ZNF568: variants seen among roughly 807,000 people sequenced by gnomAD.
The protein encoded by ZNF568 is zinc finger protein 568.
In ZNF568, 11 loss-of-function variants were observed where a neutral mutation model predicts 18.1. The ratio of observed to expected loss-of-function variants is 0.61; its 90% CI spans 0.38 to 1.00. ZNF568 has a LOEUF of 1.00. ZNF568 is among the 50% of genes least tolerant of loss of function. The pLI is 0.01. For missense variants in ZNF568, 639 were observed against 768.2 expected (o/e 0.83, Z 1.99); for synonymous variants, 213 against 246.6 (o/e 0.86, Z 1.28).
intron 5 of ZNF568, 136 bp from the exon 6 acceptor site, chr19:36,937,011 A>G (rs1218599863): frequency 7.4e-7 from 1 of 1,360,058 alleles, no homozygotes; most frequent in East Asian, 2.3e-5. Context: ...TCAGTGTTAA[A>G]GGCTGATTAC....
exon 5 of ZNF568, chr19:36,996,357 GGAAAACATTTAT>G: frequency 5.2e-6 from 8 of 1,533,692 alleles, no homozygotes; most frequent in Non-Finnish European, 7.0e-6. Context: ...TATCTCCAAA[GGAAAACATTTAT>G]GAAATTAGAT....
intron 4 of ZNF568, among the ~76,000 whole-genome samples, chr19:36,932,565 C>T (rs1448148666): frequency 2.0e-5 from 3 of 152,096 alleles, no homozygotes; most frequent in South Asian, 2.1e-4. Flanking sequence ...GCACTCCAGC[C>T]TGGGCAACAA....
At chr19:36,991,712 C>A in intron 3 of ZNF568, 1 of 1,484,078 alleles carries the variant, frequency 6.7e-7, no homozygotes, top group Non-Finnish European at 9.0e-7. Flanking sequence ...TTAATTCTGA[C>A]ACCCACAACA....
At position 36,952,113 on chromosome 19, in the gene ZNF568, C is replaced by CACAAATAAT. The variant is rs2074069699; in HGVS notation, c.*1026_*1034dup. ...GGTATATATACATCCTATAGAAACTCACAAATAATGCATAAGAAATATATA... is the reference window on the plus strand; with the variant it reads ...GGTATATATACATCCTATAGAAACTCACAAATAATACAAATAATGCATAAGAAATATATA... On this transcript the variant is annotated 3_prime_UTR_variant, in exon 7 of 7. Transcript: ENST00000333987. 9 of 762,552 alleles carry CACAAATAAT rather than the reference C, an allele frequency of 1.2e-5. No individual in the cohort carries two copies. Among genetic ancestry groups the CACAAATAAT allele is most frequent in the African/African-American group, 2.2e-5 (1 of 46,432 alleles). 47.2% of individuals were successfully genotyped at this position (762,552 alleles called of 1,614,324 possible).
intron 4 of ZNF568, among the ~76,000 whole-genome samples, chr19:36,934,322 T>TA (rs74174441): frequency 1.3e-4 from 17 of 133,514 alleles, no homozygotes; most frequent in African/African-American, 2.3e-4. Context: ...TTTTTTTTTT[T>TA]AATTGAGGCA....
intron 6 of ZNF568, among the ~76,000 whole-genome samples, chr19:36,948,713 C>T (rs2074008848): frequency 7.3e-6 from 1 of 137,404 alleles, no homozygotes; most frequent in Non-Finnish European, 1.5e-5. Flanking sequence ...ATCACATCAC[C>T]TGTGAACAAA....
chr19:36,969,615 A>G (rs947928607), intron 6 of ZNF568, among the ~76,000 whole-genome samples: 4 of 151,824 alleles, frequency 2.6e-5, no homozygotes, highest in African/African-American at 9.7e-5. Flanking sequence ...TCCAGCTTCT[A>G]GAAGCTGCCT....
chr19:36,946,036 A>G (rs1053736145), intron 6 of ZNF568, among the ~76,000 whole-genome samples: 4 of 152,012 alleles, frequency 2.6e-5, no homozygotes, highest in Non-Finnish European at 5.9e-5. Context: ...CGGAGGTTGC[A>G]GTGAGCCGAG....
At chr19:36,937,678 C>G (rs1407437087) in intron 6 of ZNF568, among the ~76,000 whole-genome samples, 2 of 152,054 alleles carry the variant, frequency 1.3e-5, no homozygotes, top group African/African-American at 2.4e-5. Context: ...TTTTAAAAAG[C>G]CTTAGATTTG....
chr19:36,942,516 G>C (rs1318515348), intron 6 of ZNF568, among the ~76,000 whole-genome samples: 7 of 147,704 alleles, frequency 4.7e-5, no homozygotes, highest in Non-Finnish European at 7.4e-5. Context: ...GGAGAATGGC[G>C]TGAACCCAGG....
chr19:36,969,045 C>T (rs769431047), intron 6 of ZNF568, among the ~76,000 whole-genome samples: 49 of 151,912 alleles, frequency 3.2e-4, no homozygotes, highest in Non-Finnish European at 4.9e-4. Flanking sequence ...TTAGTAGAAA[C>T]GGGCTTTCAC....
rs56308135 is a variant in ZNF568, at chr19:36,945,937, C to A, written c.359-3575C>A. ...TGAAACCCTGTTTCAACTAAAAAAA[C>A]GCAAAAAATTAGCCGGGCGTGGTGG... is the stretch of plus-strand genomic sequence containing the variant. On this transcript the variant is annotated intron_variant, in intron 6 of 6. Transcript: ENST00000333987. Among the ~76,000 whole-genome samples, 604 of 151,600 alleles carry A rather than the reference C, an allele frequency of 4.0e-3. 5 individuals are homozygous for A. Among genetic ancestry groups the A allele is most frequent in the African/African-American group, 0.014 (576 of 41,302 alleles).
rs372269955 is a variant in ZNF568 at position 36,966,492 on chromosome 19, A to G, written c.359-7928A>G. Reference sequence around the variant, plus strand: ...TTGTAAAGGAGCTCAAGTTTTGTATAAAAAAGTGTGTAGAAACTTAGTACC... The same window carrying G: ...TTGTAAAGGAGCTCAAGTTTTGTATGAAAAAGTGTGTAGAAACTTAGTACC... On this transcript the variant is annotated intron_variant, in intron 6 of 7. Transcript: ENST00000427117. 1.1e-4 allele frequency among the ~76,000 whole-genome samples: 17 copies of G among 152,308 alleles called. 1 individual carries two copies. In the South Asian group the frequency reaches 3.1e-3, roughly 28 times the overall value.
intron 4 of ZNF568, among the ~76,000 whole-genome samples, chr19:36,927,887 T>TATATATATTA (rs1491142078): frequency 1.8e-4 from 7 of 39,040 alleles, no homozygotes; most frequent in African/African-American, 8.3e-4. Flanking sequence ...TATATATATA[T>TATATATATTA]TATATATATA....
At chr19:36,942,874 G>A (rs78111744) in intron 6 of ZNF568, among the ~76,000 whole-genome samples, 2,081 of 152,054 alleles carry the variant, frequency 0.014, 58 homozygotes, top group African/African-American at 0.047. Flanking sequence ...CTTCTACTTA[G>A]TCTCTGTTAT....
At chr19:36,989,048 C>A (rs1644676) in intron 2 of ZNF568, among the ~76,000 whole-genome samples, 1 of 151,976 alleles carries the variant, frequency 6.6e-6, no homozygotes, top group African/African-American at 2.4e-5. Flanking sequence ...TGCTTCTGAA[C>A]GCCTTCTTTT....
At chr19:36,961,881 T>G (rs1044096940) in intron 6 of ZNF568, among the ~76,000 whole-genome samples, 5 of 12,094 alleles carry the variant, frequency 4.1e-4, no homozygotes, top group East Asian at 0.011. Context: ...GGTTAGGGTG[T>G]TTTTTTTTTT....
chr19:36,987,373 G>C (rs1432099266), intron 2 of ZNF568, among the ~76,000 whole-genome samples: 1 of 152,178 alleles, frequency 6.6e-6, no homozygotes, highest in Non-Finnish European at 1.5e-5. Context: ...GGTCATTCTG[G>C]AGAGTCTTTG....
At chr19:36,918,513 A>G (rs1568376583) in intron 2 of ZNF568, among the ~76,000 whole-genome samples, 1 of 152,338 alleles carries the variant, frequency 6.6e-6, no homozygotes, top group East Asian at 1.9e-4. Context: ...TTCAGTACAG[A>G]CACAACTGTA....
Sources: allele counts gnomAD v4.1 joint callset (sites outside exome capture counted in the v4.1 genomes callset), GRCh38; gene constraint gnomAD v4.1.1; transcripts MANE v1.5; gene names NCBI Gene and HGNC (gene_info 2026-07-23, HGNC 2026-07-21).